ERCC6L2: variants seen among roughly 807,000 people sequenced by gnomAD.
ERCC6L2 encodes the protein ERCC excision repair 6 like 2, also known as DNA excision repair protein ERCC-6-like 2.
Under a neutral mutation model 132.0 loss-of-function variants are expected in ERCC6L2, and 77 were observed. The observed-to-expected ratio is 0.58, with a 90% CI of 0.49 to 0.71. The LOEUF is 0.71. Ranked by LOEUF, ERCC6L2 falls within the 30% of genes least tolerant of loss-of-function variation. ERCC6L2 has a pLI of 0.00. For synonymous variants in ERCC6L2, 583 were observed against 632.4 expected, an observed-to-expected ratio of 0.92 and a Z score of 1.17; for missense variants, 1,542 against 1,837.6, an observed-to-expected ratio of 0.84 and a Z score of 2.94.
chr9:95,914,454 A>G (rs1246040092), intron 4 of ERCC6L2, among the ~76,000 whole-genome samples: 1 of 152,090 alleles, frequency 6.6e-6, no homozygotes, highest in African/African-American at 2.4e-5. Flanking sequence ...CCCTGGTTCA[A>G]GTGATTCTCC....
At chr9:95,906,838 C>T (rs964288679) in intron 3 of ERCC6L2, 17 of 536,628 alleles carry the variant, frequency 3.2e-5, no homozygotes, top group Non-Finnish European at 4.4e-5. Flanking sequence ...ATAAAAAACA[C>T]GTGTTTCTTT....
Position 95,972,677 on chromosome 9 carries a change from A to C in ERCC6L2, c.2926A>C (p.Thr976Pro). ...TLKSILKRKG[T>P]SDISDESDDI... ...GAAATCTATTTTGAAAAGAAAAGGC[A>C]CCAGTGATATCAGTGATGAATCTGA... Residue 976 changes from threonine (T) to proline (P), a missense_variant, in exon 16 of 19, where the codon ACC (threonine) becomes CCC (proline). Coordinates refer to ENST00000653738, the MANE Select transcript of ERCC6L2 (RefSeq NM_020207.7). The C allele has an allele frequency of 7.7e-7, 1 of 1,299,610 alleles. No individual in the cohort carries two copies. The highest frequency in any genetic ancestry group is 1.0e-6 in the Non-Finnish European group (1 of 988,902). The allele number at this position is 1,299,610 out of a possible 1,614,324, so 80.5% of individuals were successfully genotyped here.
At chr9:95,932,629 A>G (rs1261693188) in intron 11 of ERCC6L2, among the ~76,000 whole-genome samples, 1 of 152,094 alleles carries the variant, frequency 6.6e-6, no homozygotes, top group African/African-American at 2.4e-5. Context: ...CTTTATATTT[A>G]TTTAGGTTTT....
At chr9:96,020,613 T>G (rs1834269629), downstream of ERCC6L2, 1 of 376,912 alleles carries the variant, frequency 2.7e-6, no homozygotes, top group South Asian at 2.0e-5. Context: ...GTCCCCTAGG[T>G]GGACGCTAAG....
chr9:95,890,456 C>A (rs1186008056), intron 2 of ERCC6L2, among the ~76,000 whole-genome samples: 2 of 152,164 alleles, frequency 1.3e-5, no homozygotes, highest in Non-Finnish European at 2.9e-5. Flanking sequence ...GTTGGTCAGA[C>A]ACCAAAGTCT....
intron 18 of ERCC6L2, among the ~76,000 whole-genome samples, chr9:96,009,583 C>CT (rs1043330795): frequency 6.6e-6 from 1 of 152,132 alleles, no homozygotes; most frequent in Non-Finnish European, 1.5e-5. Context: ...TCTTTGGTTT[C>CT]TTTTTTTCCC....
rs1241329984 is a variant in ERCC6L2, at chr9:96,014,404, C to CA, written c.*1207dup. 1.3e-5 allele frequency: 2 copies of CA among 152,090 alleles called. No individual in the cohort carries two copies. The highest frequency in any genetic ancestry group is 1.3e-4 in the Admixed American group (2 of 15,268). The allele number at this position is 152,090 out of a possible 1,614,324, so 9.4% of individuals were successfully genotyped here. On this transcript the variant is annotated 3_prime_UTR_variant, in exon 19 of 19. Transcript: ENST00000653738. ...TGTAGAGTCATTGCTCAGAAGTGAA[C>CA]AAAAAATCAAAAACAAAAGTCTTCT...
At chr9:96,033,320 A>G (rs1390005030) in intron 19 of ERCC6L2, among the ~76,000 whole-genome samples, 1 of 151,496 alleles carries the variant, frequency 6.6e-6, no homozygotes, top group Non-Finnish European at 1.5e-5. Flanking sequence ...GTCTCAGCTC[A>G]CTGCAACCTC....
At chr9:95,997,383 C>G (rs1227943870) in intron 17 of ERCC6L2, among the ~76,000 whole-genome samples, 1 of 152,066 alleles carries the variant, frequency 6.6e-6, no homozygotes, top group Non-Finnish European at 1.5e-5. Flanking sequence ...TGGGACTGAA[C>G]TGCTGCAATC....
At chr9:96,011,836 AATTTC>A (rs1834035602) in intron 18 of ERCC6L2, among the ~76,000 whole-genome samples, 1 of 152,252 alleles carries the variant, frequency 6.6e-6, no homozygotes, top group Non-Finnish European at 1.5e-5. Context: ...ATTCTTTGAC[AATTTC>A]ATTTCATGAG....
chr9:96,001,494 G>A (rs1175368362), intron 17 of ERCC6L2, among the ~76,000 whole-genome samples: 1 of 152,198 alleles, frequency 6.6e-6, no homozygotes, highest in Non-Finnish European at 1.5e-5. Context: ...ACAGGGTGTC[G>A]ATTGGTGCAT....
At chr9:96,035,690 A>G (rs1182530454) in intron 19 of ERCC6L2, among the ~76,000 whole-genome samples, 1 of 151,900 alleles carries the variant, frequency 6.6e-6, no homozygotes, top group Non-Finnish European at 1.5e-5. Flanking sequence ...CATCATCTTC[A>G]CCCTTCACCT....
At chr9:96,027,508 C>T (rs894993843) in intron 19 of ERCC6L2, among the ~76,000 whole-genome samples, 3 of 152,124 alleles carry the variant, frequency 2.0e-5, no homozygotes, top group Non-Finnish European at 1.5e-5. Context: ...AGAAGGCGGC[C>T]CGGTTGGAAA....
intron 17 of ERCC6L2, among the ~76,000 whole-genome samples, chr9:95,982,748 A>C (rs942737302): frequency 6.6e-6 from 1 of 152,148 alleles, no homozygotes; most frequent in Non-Finnish European, 1.5e-5. Context: ...TGGTATTGAC[A>C]CGAAAAAGGT....
At chr9:96,020,933 G>C (rs959185084), downstream of ERCC6L2, 1 of 456,734 alleles carries the variant, frequency 2.2e-6, no homozygotes, top group Admixed American at 2.3e-5. Flanking sequence ...CACCCTCCAA[G>C]ACGCGCGGGC....
intron 13 of ERCC6L2, among the ~76,000 whole-genome samples, chr9:95,960,430 A>T (rs1564264682): frequency 6.6e-6 from 1 of 152,172 alleles, no homozygotes; most frequent in Non-Finnish European, 1.5e-5. Context: ...GATGTGATTA[A>T]ATTATGGGTC....
At chr9:95,889,034 T>A (rs982976509) in intron 2 of ERCC6L2, among the ~76,000 whole-genome samples, 5 of 152,314 alleles carry the variant, frequency 3.3e-5, no homozygotes, top group African/African-American at 1.2e-4. Flanking sequence ...TAAGAGGTAG[T>A]GTAGATGATT....
chr9:95,879,061 A>C (rs1385696606), intron 1 of ERCC6L2, among the ~76,000 whole-genome samples: 2 of 151,726 alleles, frequency 1.3e-5, no homozygotes, highest in African/African-American at 4.8e-5. Flanking sequence ...CTAGTTCTAG[A>C]TCCCTGAGGA....
intron 17 of ERCC6L2, among the ~76,000 whole-genome samples, chr9:95,984,734 C>T (rs144373895): frequency 1.2e-4 from 18 of 152,172 alleles, no homozygotes; most frequent in African/African-American, 4.1e-4. Flanking sequence ...ATAATTAATA[C>T]TTTATGAATA....
Sources: allele counts gnomAD v4.1 joint callset (sites outside exome capture counted in the v4.1 genomes callset), GRCh38; gene constraint gnomAD v4.1.1; transcripts MANE v1.5; gene names NCBI Gene and HGNC (gene_info 2026-07-23, HGNC 2026-07-21).